Variants in DLGAP1 observed in about 807,000 individuals in gnomAD.
DLGAP1 encodes disks large-associated protein 1.
DLGAP1 carries 11 observed loss-of-function variants against 90.8 expected under a neutral mutation model. The observed-to-expected ratio is 0.12, with a 90% CI of 0.08 to 0.20. The LOEUF is 0.20. DLGAP1 is among the 10% of genes least tolerant of loss of function. The pLI, the probability that DLGAP1 is intolerant of heterozygous loss-of-function variation, is 1.00. For synonymous variants in DLGAP1, 558 were observed against 540.7 expected (o/e 1.03, Z -0.44); for missense variants, 1,050 against 1,333.8 (o/e 0.79, Z 3.31).
chr18:3,504,429 C>T (rs938310383), intron 11 of DLGAP1, among the ~76,000 whole-genome samples: 5 of 152,098 alleles, frequency 3.3e-5, no homozygotes, highest in African/African-American at 7.2e-5. Context: ...TTGTCGCCCA[C>T]GCTGGAGTGC....
chr18:4,059,235 T>C (rs1308444769), intron 2 of DLGAP1, among the ~76,000 whole-genome samples: 2 of 152,184 alleles, frequency 1.3e-5, no homozygotes, highest in African/African-American at 2.4e-5. Flanking sequence ...CTGTTCAGGA[T>C]AGGGAAATAA....
intron 1 of DLGAP1, among the ~76,000 whole-genome samples, chr18:4,304,135 G>T (rs1212160698): frequency 4.6e-5 from 7 of 152,176 alleles, no homozygotes; most frequent in African/African-American, 1.7e-4. Flanking sequence ...TGAAAAGTTG[G>T]TTATGAGAAG....
intron 5 of DLGAP1, among the ~76,000 whole-genome samples, chr18:3,753,218 CA>C (rs2063575179): frequency 6.6e-6 from 1 of 152,136 alleles, no homozygotes; most frequent in Non-Finnish European, 1.5e-5. Context: ...TAGATAAAAA[CA>C]ATGGGGTCTT....
intron 2 of DLGAP1, among the ~76,000 whole-genome samples, chr18:4,066,867 C>T (rs1481600572): frequency 1.3e-5 from 2 of 152,060 alleles, no homozygotes; most frequent in African/African-American, 4.8e-5. Flanking sequence ...CAGAAAAACA[C>T]ATGCATGTGA....
intron 1 of DLGAP1, among the ~76,000 whole-genome samples, chr18:4,427,536 A>G (rs2083184136): frequency 6.6e-6 from 1 of 152,178 alleles, no homozygotes; most frequent in South Asian, 2.1e-4. Context: ...TGGCATGGCA[A>G]CTAGCAAATC....
chr18:4,240,023 G>T (rs2078498486), intron 1 of DLGAP1, among the ~76,000 whole-genome samples: 1 of 151,936 alleles, frequency 6.6e-6, no homozygotes, highest in Non-Finnish European at 1.5e-5. Flanking sequence ...TGTCAAGTTA[G>T]TCCTCCAAAG....
intron 4 of DLGAP1, among the ~76,000 whole-genome samples, chr18:3,860,825 T>C (rs943210709): frequency 6.6e-6 from 1 of 152,218 alleles, no homozygotes; most frequent in Admixed American, 6.5e-5. Context: ...TAACAAATAA[T>C]GAGAAAATGC....
chr18:4,312,699 T>G (rs1037700532), intron 1 of DLGAP1, among the ~76,000 whole-genome samples: 1 of 152,212 alleles, frequency 6.6e-6, no homozygotes, highest in Non-Finnish European at 1.5e-5. Flanking sequence ...ATTACATTTA[T>G]CTGTCAGTTT....
rs368483788 is a variant in DLGAP1 at position 4,322,699 on chromosome 18, C to T, written c.-267+132307G>A. 7.9e-5 allele frequency among the ~76,000 whole-genome samples: 12 copies of T among 152,120 alleles called. No homozygotes were observed. In the South Asian group the frequency reaches 1.2e-3, roughly 16 times the overall value. ...CATAGAGGCCAGACGTGGTGGCTCA[C>T]GCGTGTAATCCCAGCACTTTGGGAG... On this transcript the variant is annotated intron_variant, in intron 1 of 12. Transcript: ENST00000315677.
chr18:3,640,253 T>C (rs1639348), intron 7 of DLGAP1, among the ~76,000 whole-genome samples: 56,689 of 152,006 alleles, frequency 0.37, 13,691 homozygotes, highest in African/African-American at 0.69. Context: ...GGCTAAGTAC[T>C]ATGTTGTCCT....
chr18:3,722,664 A>G (rs1598461243), intron 7 of DLGAP1: 1 of 152,324 alleles, frequency 6.6e-6, no homozygotes, highest in East Asian at 1.9e-4. Context: ...TTTATCTTGA[A>G]TAGAAAAGAA....
intron 3 of DLGAP1, among the ~76,000 whole-genome samples, chr18:3,912,903 G>A (rs2072066391): frequency 6.6e-6 from 1 of 152,048 alleles, no homozygotes; most frequent in African/African-American, 2.4e-5. Flanking sequence ...CCAAGCTGGG[G>A]GAACTCTGTG....
intron 7 of DLGAP1, among the ~76,000 whole-genome samples, chr18:3,682,131 T>A (rs9956857): frequency 0.14 from 14,841 of 106,112 alleles, 1,092 homozygotes; most frequent in South Asian, 0.28. Flanking sequence ...AAAAAAAAAA[T>A]AAAAAAAAAT....
rs954313458 is a variant in DLGAP1, at chr18:3,497,285, T to G, written c.*1900A>C. On this transcript the variant is annotated 3_prime_UTR_variant, in exon 13 of 13. Coordinates refer to ENST00000315677, the MANE Select transcript of DLGAP1 (RefSeq NM_004746.4). ...ACTAGCAAATACTTGAAGCTCAAAATCTCTGTATGCTCCAATTTCACAAAG... is the reference window on the plus strand; with the variant it reads ...ACTAGCAAATACTTGAAGCTCAAAAGCTCTGTATGCTCCAATTTCACAAAG... 6.7e-6 allele frequency: 1 copy of G among 150,184 alleles called. No individual in the cohort carries two copies. Among genetic ancestry groups the G allele is most frequent in the Non-Finnish European group, 1.5e-5 (1 of 67,610 alleles). 9.3% of individuals were successfully genotyped at this position (150,184 alleles called of 1,614,324 possible).
At chr18:4,363,758 A>G (rs1175553061) in intron 1 of DLGAP1, among the ~76,000 whole-genome samples, 1 of 152,178 alleles carries the variant, frequency 6.6e-6, no homozygotes, top group Non-Finnish European at 1.5e-5. Context: ...AGGAAACAAC[A>G]GGTGCTGGAG....
intron 5 of DLGAP1, 116 bp from the exon 6 acceptor site, chr18:3,742,628 A>T: frequency 1.6e-6 from 2 of 1,232,544 alleles, no homozygotes; most frequent in Non-Finnish European, 2.3e-6. Flanking sequence ...AATGACATAG[A>T]TGCCCTTCTG....
In DLGAP1 at chr18:4,200,418, C is replaced by T. The variant is rs186763968; in HGVS notation, c.-266-49131G>A. ...TTCTAAAAGAATGTTCACAAAATTA[C>T]AATTGCTTATTTATAATATTCTACC... is the stretch of plus-strand genomic sequence containing the variant. On this transcript the variant is annotated intron_variant, in intron 1 of 12. Transcript: ENST00000315677. Among the ~76,000 whole-genome samples, 64 of 151,636 alleles carry T rather than the reference C, an allele frequency of 4.2e-4. 1 individual carries two copies. The highest frequency in any genetic ancestry group is 2.7e-3 in the Admixed American group (41 of 15,226).
intron 1 of DLGAP1, among the ~76,000 whole-genome samples, chr18:4,224,922 G>C (rs559078028): frequency 6.6e-6 from 1 of 152,220 alleles, no homozygotes; most frequent in East Asian, 1.9e-4. Context: ...TCAGGTCTTA[G>C]TGCATTCACA....
intron 1 of DLGAP1, among the ~76,000 whole-genome samples, chr18:4,315,414 T>C (rs1055014439): frequency 6.6e-6 from 1 of 152,230 alleles, no homozygotes. Flanking sequence ...CCTGGGTACC[T>C]GGCAATTCCC....
Sources: allele counts gnomAD v4.1 joint callset (sites outside exome capture counted in the v4.1 genomes callset), GRCh38; gene constraint gnomAD v4.1.1; transcripts MANE v1.5; gene names NCBI Gene and HGNC (gene_info 2026-07-23, HGNC 2026-07-21).